Variants in SLIT3 observed in about 807,000 individuals in gnomAD.
SLIT3 encodes the protein slit homolog 3 protein.
A neutral mutation model predicts 184.0 loss-of-function variants in SLIT3; 68 were observed. The ratio of observed to expected loss-of-function variants is 0.37; its 90% CI spans 0.30 to 0.45. The LOEUF (loss-of-function observed/expected upper bound fraction) is 0.45. Ranked by LOEUF, SLIT3 falls within the 20% of genes least tolerant of loss-of-function variation. The pLI is 1.00. For synonymous variants in SLIT3, 831 were observed against 828.6 expected, an observed-to-expected ratio of 1.00 and a Z score of -0.05; for missense variants, 1,707 against 2,026.0, an observed-to-expected ratio of 0.84 and a Z score of 3.02.
At chr5:168,786,178 A>T (rs528236869) in intron 11 of SLIT3, among the ~76,000 whole-genome samples, 200 bp from the exon 12 acceptor site, 1 of 152,272 alleles carries the variant, frequency 6.6e-6, no homozygotes, top group South Asian at 2.1e-4. Flanking sequence ...GTTGTCTGGG[A>T]GGTGAGTAGA....
rs78819114 is a variant in SLIT3 at position 168,951,478 on chromosome 5, A to T, written c.414-68142T>A. On this transcript the variant is annotated intron_variant, in intron 4 of 35. Transcript: ENST00000519560. ...TTTTTCTGCCAGCATTCTGCAAGAG[A>T]CTAGCACCAGTGTTTTCTTTCAAAT... is the stretch of plus-strand genomic sequence containing the variant. Among the ~76,000 whole-genome samples, 937 of 152,132 alleles carry T rather than the reference A, an allele frequency of 6.2e-3. 10 individuals carry two copies. The highest frequency in any genetic ancestry group is 0.022 in the African/African-American group (893 of 41,438).
intron 5 of SLIT3, among the ~76,000 whole-genome samples, chr5:168,879,987 T>C (rs562938178): frequency 6.6e-6 from 1 of 152,256 alleles, no homozygotes; most frequent in South Asian, 2.1e-4. Context: ...CATCATTCTC[T>C]GTATTGTCTG....
chr5:168,850,509 C>T (rs976477106), intron 5 of SLIT3, among the ~76,000 whole-genome samples: 6 of 152,138 alleles, frequency 3.9e-5, no homozygotes, highest in Non-Finnish European at 8.8e-5. Flanking sequence ...TGACCTCTGA[C>T]GTTTAATGTG....
chr5:168,754,465 G>A (rs951643039), intron 16 of SLIT3, among the ~76,000 whole-genome samples: 2 of 152,208 alleles, frequency 1.3e-5, no homozygotes, highest in African/African-American at 4.8e-5. Flanking sequence ...ACAGTAGAAG[G>A]ATGGTTACCA....
At chr5:168,926,824 A>G (rs953324494) in intron 4 of SLIT3, among the ~76,000 whole-genome samples, 3 of 152,204 alleles carry the variant, frequency 2.0e-5, no homozygotes, top group African/African-American at 4.8e-5. Flanking sequence ...CACAATCACA[A>G]TGAGACATCA....
chr5:169,164,168 G>T (rs924598678), intron 4 of SLIT3, among the ~76,000 whole-genome samples: 1 of 152,192 alleles, frequency 6.6e-6, no homozygotes, highest in South Asian at 2.1e-4. Context: ...CGAAAGTCTG[G>T]TCAATTGTTT....
At chr5:169,040,829 C>T (rs899851992) in intron 4 of SLIT3, among the ~76,000 whole-genome samples, 1 of 152,248 alleles carries the variant, frequency 6.6e-6, no homozygotes, top group African/African-American at 2.4e-5. Flanking sequence ...TACCAATAGG[C>T]ATCGGCCCAT....
intron 4 of SLIT3, among the ~76,000 whole-genome samples, chr5:168,939,122 G>GTC (rs1762253921): frequency 1.3e-5 from 2 of 152,250 alleles, no homozygotes; most frequent in Non-Finnish European, 1.5e-5. Flanking sequence ...CGGAAACACA[G>GTC]ACTAAAAGAA....
intron 12 of SLIT3, among the ~76,000 whole-genome samples, chr5:168,777,888 T>C (rs1221453556): frequency 6.6e-6 from 1 of 152,192 alleles, no homozygotes; most frequent in East Asian, 1.9e-4. Context: ...CTGGCTTCCA[T>C]GAAAGGAGCT....
At chr5:168,872,494 G>A (rs1759560906) in intron 5 of SLIT3, among the ~76,000 whole-genome samples, 1 of 152,048 alleles carries the variant, frequency 6.6e-6, no homozygotes, top group Admixed American at 6.5e-5. Flanking sequence ...ATGGTTGTGT[G>A]TTGGGGGTAT....
At chr5:169,207,282 C>T (rs1450160594) in intron 3 of SLIT3, among the ~76,000 whole-genome samples, 1 of 151,548 alleles carries the variant, frequency 6.6e-6, no homozygotes, top group Non-Finnish European at 1.5e-5. Flanking sequence ...TGGCCCAATT[C>T]GTGGACTGAA....
chr5:168,883,903 C>T (rs1419357556), intron 4 of SLIT3, among the ~76,000 whole-genome samples: 2 of 152,074 alleles, frequency 1.3e-5, no homozygotes, highest in African/African-American at 2.4e-5. Context: ...TAGTGACAGG[C>T]ACGATAATTT....
intron 4 of SLIT3, among the ~76,000 whole-genome samples, chr5:169,089,163 T>C (rs189268424): frequency 6.7e-6 from 1 of 149,540 alleles, no homozygotes; most frequent in Admixed American, 6.7e-5. Flanking sequence ...TGCACACAAG[T>C]GCTAATAAAG....
chr5:168,700,658 T>A lies in SLIT3; in HGVS notation c.2866A>T (p.Ile956Phe), dbSNP rs778530204. The change falls in exon 27 of 36, where the codon ATC becomes TTC. Residue 956 changes from isoleucine (I) to phenylalanine (F), a missense_variant. By Grantham distance (21) the Ile-to-Phe change is conservative. This residue lies in a region of SLIT3 where 1,307 missense variants were observed against 1,511.6 expected (regional missense o/e 0.86). Coordinates refer to ENST00000519560, the MANE Select transcript of SLIT3 (RefSeq NM_003062.4). ...CAGGGGTTCTGGATGCAGGTGTTGA[T>A]GGGCACAGTGCAGTCCTTGCCCTGA... ...SYKGKDCTVP[I>F]NTCIQNPCQH... 3.3e-5 allele frequency: 54 copies of A among 1,613,974 alleles called. No individual in the cohort carries two copies. In the South Asian group the frequency reaches 5.3e-4, roughly 16 times the overall value.
chr5:168,918,560 T>C (rs1201919803), intron 4 of SLIT3, among the ~76,000 whole-genome samples: 7 of 152,196 alleles, frequency 4.6e-5, no homozygotes, highest in Non-Finnish European at 1.0e-4. Flanking sequence ...TCTGACAACT[T>C]CCTTGCACTT....
At chr5:168,792,277 C>G (rs1052459494) in intron 10 of SLIT3, 2 of 152,188 alleles carry the variant, frequency 1.3e-5, no homozygotes, top group Non-Finnish European at 2.9e-5. Context: ...ATTCTGGGCA[C>G]TGGGATGACT....
intron 4 of SLIT3, among the ~76,000 whole-genome samples, chr5:168,961,053 G>A (rs753140321): frequency 6.6e-6 from 1 of 152,090 alleles, no homozygotes; most frequent in Non-Finnish European, 1.5e-5. Flanking sequence ...GGAGTCCATG[G>A]ATAATCTCTA....
intron 3 of SLIT3, among the ~76,000 whole-genome samples, chr5:169,207,719 T>TC (rs1443733795): frequency 1.3e-5 from 2 of 152,138 alleles, no homozygotes; most frequent in Non-Finnish European, 2.9e-5. Context: ...TTTCTGTCCT[T>TC]CCCCCACTAA....
intron 11 of SLIT3, among the ~76,000 whole-genome samples, chr5:168,786,380 C>T (rs2292144): frequency 0.14 from 21,459 of 152,050 alleles, 1,708 homozygotes; most frequent in African/African-American, 0.23. Context: ...GCCTACAGGA[C>T]GTTTCCTTTT....
Sources: allele counts gnomAD v4.1 joint callset (sites outside exome capture counted in the v4.1 genomes callset), GRCh38; gene constraint gnomAD v4.1.1; regional missense constraint gnomAD v4.1.1; transcripts MANE v1.5; gene names NCBI Gene and HGNC (gene_info 2026-07-23, HGNC 2026-07-21).